Variants in LDLRAD4 observed in about 807,000 individuals in gnomAD.
The protein encoded by LDLRAD4 is low density lipoprotein receptor class A domain containing 4, also known as low-density lipoprotein receptor class A domain-containing protein 4.
In LDLRAD4, 5 loss-of-function variants were observed where a neutral mutation model predicts 17.0. The ratio of observed to expected loss-of-function variants is 0.29; its 90% confidence interval spans 0.15 to 0.62. LDLRAD4 has a LOEUF of 0.62. Ranked by LOEUF, LDLRAD4 falls within the 20% of genes least tolerant of loss-of-function variation. LDLRAD4 has a pLI of 0.84. For synonymous variants in LDLRAD4, 168 were observed against 171.8 expected (o/e 0.98, Z 0.17); for missense variants, 340 against 424.7 (o/e 0.80, Z 1.75).
At chr18:13,328,905 C>A (rs1224341052) in intron 1 of LDLRAD4, among the ~76,000 whole-genome samples, 1 of 152,102 alleles carries the variant, frequency 6.6e-6, no homozygotes, top group Non-Finnish European at 1.5e-5. Flanking sequence ...TATTATTTAT[C>A]TTTTATGTAT....
At chr18:13,518,122 A>G (rs1371489292) in intron 3 of LDLRAD4, among the ~76,000 whole-genome samples, 2 of 151,610 alleles carry the variant, frequency 1.3e-5, no homozygotes, top group Non-Finnish European at 2.9e-5. Context: ...GTTCTGGAAA[A>G]CTCGCAGATT....
intron 1 of LDLRAD4, among the ~76,000 whole-genome samples, chr18:13,316,532 A>C (rs1421962970): frequency 6.6e-6 from 1 of 152,206 alleles, no homozygotes; most frequent in African/African-American, 2.4e-5. Context: ...AGAGCCACGT[A>C]AACAGCAAAG....
chr18:13,611,595 C>T, intron 3 of LDLRAD4: 1 of 985,384 alleles, frequency 1.0e-6, no homozygotes, highest in Non-Finnish European at 1.2e-6. Context: ...TGAGACATGT[C>T]TCTGCTTTCA....
chr18:13,501,895 A>C (rs1003027465), intron 3 of LDLRAD4, among the ~76,000 whole-genome samples: 3 of 152,250 alleles, frequency 2.0e-5, no homozygotes, highest in Non-Finnish European at 4.4e-5. Flanking sequence ...GAATTGTACT[A>C]GAAATGTGTG....
At chr18:13,409,605 A>G (rs2088132098) in intron 2 of LDLRAD4, among the ~76,000 whole-genome samples, 2 of 152,234 alleles carry the variant, frequency 1.3e-5, no homozygotes, top group African/African-American at 4.8e-5. Flanking sequence ...TTTGTATTAT[A>G]TCTGACAGCA....
intron 1 of LDLRAD4, among the ~76,000 whole-genome samples, chr18:13,293,696 T>C (rs920884860): frequency 4.6e-5 from 7 of 152,264 alleles, no homozygotes; most frequent in African/African-American, 1.7e-4. Context: ...AAGTAAGACA[T>C]CTTGGATAAA....
chr18:13,511,974 T>A (rs1600978338), intron 3 of LDLRAD4, among the ~76,000 whole-genome samples: 1 of 152,242 alleles, frequency 6.6e-6, no homozygotes, highest in Admixed American at 6.5e-5. Context: ...CTGGGATGTA[T>A]GTACCATGAC....
intron 2 of LDLRAD4, chr18:13,419,359 T>G (rs1366742354): frequency 6.6e-6 from 1 of 152,224 alleles, no homozygotes; most frequent in Non-Finnish European, 1.5e-5. Flanking sequence ...TGGATCATGA[T>G]TAGGTCCAAA....
At chr18:13,229,834 G>A (rs1386736765) in intron 1 of LDLRAD4, among the ~76,000 whole-genome samples, 4 of 152,278 alleles carry the variant, frequency 2.6e-5, no homozygotes, top group African/African-American at 7.2e-5. Flanking sequence ...GTGTGCCCAC[G>A]GTTGCCACAC....
rs1363398948 is a variant in LDLRAD4, at chr18:13,466,336, G to A, written c.181+27952G>A. Reference sequence around the variant, plus strand: ...AAATACAAAATTAGCTGGGGGTGGTGGCGGGTCCCTTTGGTCCCAGCTACT... The same window carrying A: ...AAATACAAAATTAGCTGGGGGTGGTAGCGGGTCCCTTTGGTCCCAGCTACT... On this transcript the variant is annotated intron_variant, in intron 3 of 5. Coordinates refer to ENST00000359446, the Ensembl canonical transcript of LDLRAD4. Among the ~76,000 whole-genome samples the A allele has an allele frequency of 2.6e-5, 4 of 152,072 alleles. No individual in the cohort carries two copies. In the East Asian group the frequency reaches 7.7e-4, roughly 29 times the overall value.
chr18:13,492,355 G>T (rs1379792578), intron 3 of LDLRAD4, among the ~76,000 whole-genome samples: 4 of 152,186 alleles, frequency 2.6e-5, no homozygotes, highest in Non-Finnish European at 5.9e-5. Context: ...TGCCTCTGCC[G>T]GAAGGGACGT....
intron 1 of LDLRAD4, among the ~76,000 whole-genome samples, chr18:13,264,018 C>T (rs1482487822): frequency 6.6e-6 from 1 of 152,062 alleles, no homozygotes; most frequent in Non-Finnish European, 1.5e-5. Context: ...ACTAATATAA[C>T]CCTGGGGTGG....
In LDLRAD4 at chr18:13,266,386, G is replaced by A. The variant is rs116768640; in HGVS notation, c.-466-11719G>A. 7.5e-3 allele frequency among the ~76,000 whole-genome samples: 1,137 copies of A among 152,242 alleles called. 12 individuals carry two copies. Among genetic ancestry groups the A allele is most frequent in the African/African-American group, 0.026 (1,074 of 41,528 alleles). ...ACTCCTGGTACCTCGCACTGGGTCCGTGGCCAGATGTGGGCAGGAGCAGTC... is the reference window on the plus strand; with the variant it reads ...ACTCCTGGTACCTCGCACTGGGTCCATGGCCAGATGTGGGCAGGAGCAGTC... On this transcript the variant is annotated intron_variant, in intron 1 of 5. Transcript: ENST00000399848.
intron 1 of LDLRAD4, among the ~76,000 whole-genome samples, chr18:13,257,919 A>G (rs886226694): frequency 2.0e-5 from 3 of 152,188 alleles, no homozygotes; most frequent in African/African-American, 4.8e-5. Context: ...AAAGGATACA[A>G]TGGGGCTGGG....
intron 3 of LDLRAD4, among the ~76,000 whole-genome samples, chr18:13,502,399 T>G (rs769880994): frequency 1.3e-5 from 2 of 152,236 alleles, no homozygotes; most frequent in Non-Finnish European, 2.9e-5. Context: ...TACTAATTCT[T>G]TCACACACCC....
intron 3 of LDLRAD4, among the ~76,000 whole-genome samples, chr18:13,484,638 A>G (rs894310749): frequency 2.0e-5 from 3 of 152,186 alleles, no homozygotes; most frequent in Non-Finnish European, 4.4e-5. Context: ...AACAAGACCA[A>G]CGAATCACTT....
At chr18:13,347,554 A>G (rs1430570300) in intron 1 of LDLRAD4, among the ~76,000 whole-genome samples, 1 of 151,976 alleles carries the variant, frequency 6.6e-6, no homozygotes, top group Admixed American at 6.6e-5. Flanking sequence ...TGTGTCTTGG[A>G]GTTGCTCTTC....
chr18:13,495,483 G>A (rs892022258), intron 3 of LDLRAD4, among the ~76,000 whole-genome samples: 1 of 152,182 alleles, frequency 6.6e-6, no homozygotes, highest in Non-Finnish European at 1.5e-5. Context: ...TGTCCCTTGC[G>A]GGATCCCACT....
At chr18:13,469,549 C>T (rs1425273962) in intron 3 of LDLRAD4, among the ~76,000 whole-genome samples, 20 of 152,146 alleles carry the variant, frequency 1.3e-4, no homozygotes, top group Admixed American at 1.2e-3. Flanking sequence ...ATTACTCAGC[C>T]ATAAAAAGGA....
Sources: allele counts gnomAD v4.1 joint callset (sites outside exome capture counted in the v4.1 genomes callset), GRCh38; gene constraint gnomAD v4.1.1; transcripts MANE v1.5; gene names NCBI Gene and HGNC (gene_info 2026-07-23, HGNC 2026-07-21).